Variants in ODAD3 observed in about 807,000 individuals in gnomAD.
ODAD3 encodes outer dynein arm docking complex subunit 3.
Under a neutral mutation model 70.9 loss-of-function variants are expected in ODAD3, and 57 were observed. The observed-to-expected ratio is 0.80, with a 90% CI of 0.65 to 1.00. The LOEUF (loss-of-function observed/expected upper bound fraction) is 1.00. ODAD3 is among the 50% of genes least tolerant of loss of function. The pLI, the probability that ODAD3 is intolerant of heterozygous loss-of-function variation, is 0.00. For synonymous variants in ODAD3, 327 were observed against 315.9 expected (o/e 1.04, Z -0.37); for missense variants, 797 against 763.9 (o/e 1.04, Z -0.51).
chr19:11,433,854 G>C (rs1969561182), intron 1 of ODAD3, among the ~76,000 whole-genome samples: 1 of 152,084 alleles, frequency 6.6e-6, no homozygotes, highest in African/African-American at 2.4e-5. Context: ...TTGAGCCTAG[G>C]AGGTCAAGTC....
intron 1 of ODAD3, among the ~76,000 whole-genome samples, chr19:11,433,308 G>A (rs917381432): frequency 6.6e-5 from 10 of 151,986 alleles, no homozygotes; most frequent in Admixed American, 2.6e-4. Flanking sequence ...CACCATGCCC[G>A]GCTAATTTTT....
upstream of ODAD3, chr19:11,435,490 T>C (rs924243691): frequency 1.1e-4 from 43 of 397,390 alleles, no homozygotes; most frequent in Non-Finnish European, 1.9e-4. Context: ...CTATCCTCTC[T>C]AAGGTTTCAC....
chr19:11,421,960 A>G, intron 10 of ODAD3, 128 bp from the exon 11 acceptor site: 2 of 1,022,240 alleles, frequency 2.0e-6, no homozygotes, highest in Non-Finnish European at 2.8e-6. Context: ...GGTCGATCCT[A>G]GCCATTGGGG....
rs1046789758 is a variant in ODAD3 at position 11,421,277 on chromosome 19, TC to T, written c.1591-66del. ...GCCAGGGGCCACCGAGAAGTCACGTTCCCCCTCCTCCCTACCCCATTCCGAG... is the reference window on the plus strand; with the variant it reads ...GCCAGGGGCCACCGAGAAGTCACGTTCCCCTCCTCCCTACCCCATTCCGAG... On this transcript the variant is annotated intron_variant, in intron 11 of 12. Coordinates refer to ENST00000356392, the MANE Select transcript of ODAD3 (RefSeq NM_145045.5). 24 of 1,397,498 alleles carry T rather than the reference TC, an allele frequency of 1.7e-5. No individual in the cohort carries two copies. The African/African-American group carries it at 3.0e-4, about 18-fold the overall frequency. 86.6% of individuals were successfully genotyped at this position (1,397,498 alleles called of 1,614,324 possible).
chr19:11,425,177 A>G (rs1462013617), intron 7 of ODAD3, among the ~76,000 whole-genome samples: 2 of 141,218 alleles, frequency 1.4e-5, no homozygotes, highest in East Asian at 2.2e-4. Flanking sequence ...GTATATGTAC[A>G]TATGTGTATA....
At chr19:11,423,212 G>C (rs1219174823) in intron 8 of ODAD3, among the ~76,000 whole-genome samples, 1 of 152,178 alleles carries the variant, frequency 6.6e-6, no homozygotes, top group Non-Finnish European at 1.5e-5. Flanking sequence ...GCCCGTCTTC[G>C]GAGCCATCCG....
At position 11,422,557 on chromosome 19, in the gene ODAD3, C is replaced by T; in HGVS notation, c.1348G>A (p.Asp450Asn). Residue 450 changes from aspartate to asparagine, a missense_variant, in exon 10 of 13, where the codon GAC becomes AAC. Coordinates refer to ENST00000356392, the MANE Select transcript of ODAD3 (RefSeq NM_145045.5). This position sits in a 1 kb window ranked among gnomAD's most constrained non-coding sequence, Gnocchi z 4.6. The part of the protein sequence containing the change: ...KEERRHAEAK[D>N]QLERALRAMQ... ...GCCCGCAAGGCGCGCTCCAGCTGGT[C>T]CTTGGCCTCGGCGTGCCGCCGCTCC... 1 of 1,592,022 alleles carries T rather than the reference C, an allele frequency of 6.3e-7. No homozygotes were observed. Among genetic ancestry groups the T allele is most frequent in the African/African-American group, 1.3e-5 (1 of 74,830 alleles).
intron 1 of ODAD3, among the ~76,000 whole-genome samples, chr19:11,432,466 G>A (rs1201973700): frequency 1.3e-5 from 2 of 151,652 alleles, no homozygotes; most frequent in Non-Finnish European, 1.5e-5. Context: ...GGCTGGTCTC[G>A]AACTCCTGGC....
Position 11,421,139 on chromosome 19 carries a change from T to C in ODAD3, c.1664A>G (p.Asp555Gly), listed in dbSNP as rs1381016785. 5.6e-6 allele frequency: 9 copies of C among 1,613,352 alleles called. No individual in the cohort carries two copies. The East Asian group carries it at 1.6e-4, about 28-fold the overall frequency. Residue 555 changes from aspartate to glycine, a missense_variant, in exon 12 of 13, where the codon GAC becomes GGC. Physicochemically the swap from Asp to Gly is moderately conservative, Grantham distance 94. Coordinates refer to ENST00000356392, the MANE Select transcript of ODAD3 (RefSeq NM_145045.5). ...CCACCCATACTGACCAAAAAACTTG[T>C]CCTTGGAAGTGGCAAGGGGCAGGGC... is the stretch of plus-strand genomic sequence containing the variant. ...RIALPLATSK[D>G]KFFDEESEEE...
Position 11,426,763 on chromosome 19 carries a change from G to T in ODAD3, c.634C>A (p.Arg212Ser). 1 of 1,613,896 alleles carries T rather than the reference G, an allele frequency of 6.2e-7. No individual in the cohort carries two copies. Among genetic ancestry groups the T allele is most frequent in the Non-Finnish European group, 8.5e-7 (1 of 1,179,906 alleles). Reference sequence around the variant, plus strand: ...GCCTTCATCTGGGCCTTCTCCAGGCGGTTCTCCAGGTTCCGCATGGTCTGG... The same window carrying T: ...GCCTTCATCTGGGCCTTCTCCAGGCTGTTCTCCAGGTTCCGCATGGTCTGG... ...VAKTMRNLEN[R>S]LEKAQMKAQE... Residue 212 changes from arginine to serine, a missense_variant, in exon 5 of 13, where the codon CGC becomes AGC. Physicochemically the swap from Arg to Ser is moderately radical, Grantham distance 110. Coordinates refer to ENST00000356392, the MANE Select transcript of ODAD3 (RefSeq NM_145045.5).
At position 11,426,472 on chromosome 19, in the gene ODAD3, C is replaced by T. The variant is rs1322737705; in HGVS notation, c.814G>A (p.Ala272Thr). ...TTGGCAATGTCCCGGGCATTGAGGG[C>T]CTCTTGGTTCACCACGTGCAGTGCC... ...LEALHVVNQE[A>T]LNARDIAKNQ... is the part of the protein sequence containing the mutation. The change falls in exon 6 of 13, where the codon GCC becomes ACC. Residue 272 changes from alanine to threonine, a missense_variant. Physicochemically the swap from Ala to Thr is moderately conservative, Grantham distance 58. Coordinates refer to ENST00000356392, the MANE Select transcript of ODAD3 (RefSeq NM_145045.5). The T allele has an allele frequency of 6.2e-7, 1 of 1,613,918 alleles. No individual in the cohort carries two copies. Among genetic ancestry groups the T allele is most frequent in the Non-Finnish European group, 8.5e-7 (1 of 1,179,972 alleles).
At chr19:11,435,258 T>C (rs556738369), upstream of ODAD3, 319 of 1,315,064 alleles carry the variant, frequency 2.4e-4, no homozygotes, top group Non-Finnish European at 3.0e-4. Context: ...TGAGGCTGCA[T>C]AGAGGGGCGG....
chr19:11,421,381 C>T (rs1360120447), intron 11 of ODAD3, among the ~76,000 whole-genome samples, 169 bp from the exon 12 acceptor site: 27 of 152,076 alleles, frequency 1.8e-4, no homozygotes, highest in Admixed American at 1.8e-3. Flanking sequence ...CCAGCTTCAC[C>T]CCCTCATCAC....
Position 11,426,859 on chromosome 19 carries a change from T to G in ODAD3, c.612+14A>C. 1 of 1,609,984 alleles carries G rather than the reference T, an allele frequency of 6.2e-7. No individual in the cohort carries two copies. The highest frequency in any genetic ancestry group is 8.5e-7 in the Non-Finnish European group (1 of 1,177,606). ...CACACGACCCTCTGCCCTGCAGGCC[T>G]CACCCGCCCCTACCTTGGCCACCTC... On this transcript the variant is annotated intron_variant, in intron 4 of 12. Coordinates refer to ENST00000356392, the MANE Select transcript of ODAD3 (RefSeq NM_145045.5).
At position 11,426,356 on chromosome 19, in the gene ODAD3, A is replaced by AG. The variant is rs1344944374; in HGVS notation, c.840+89dup. On this transcript the variant is annotated intron_variant, in intron 6 of 12. Transcript: ENST00000356392. ...GGGAGATAGATGGGGGCGGGGGCGTAGGGGAAGCTCAGGGACAGCTGAGGT... is the reference window on the plus strand; with the variant it reads ...GGGAGATAGATGGGGGCGGGGGCGTAGGGGGAAGCTCAGGGACAGCTGAGGT... 5.6e-6 allele frequency: 9 copies of AG among 1,606,866 alleles called. No homozygotes were observed. In the East Asian group the frequency reaches 1.1e-4, roughly 20 times the overall value.
At chr19:11,425,489 ATGTATATATGTATATATGTG>A (rs1969331148) in intron 7 of ODAD3, among the ~76,000 whole-genome samples, 1 of 139,766 alleles carries the variant, frequency 7.2e-6, no homozygotes, top group Non-Finnish European at 1.6e-5. Flanking sequence ...GTGTGTATAT[ATGTATATATGTATATATGTG>A]TGTATATATG....
At chr19:11,432,870 C>T (rs185167937) in intron 1 of ODAD3, among the ~76,000 whole-genome samples, 9 of 151,864 alleles carry the variant, frequency 5.9e-5, no homozygotes, top group African/African-American at 1.9e-4. Context: ...CCTGGCTCAC[C>T]GCAACCTCCA....
intron 1 of ODAD3, among the ~76,000 whole-genome samples, chr19:11,432,767 C>G (rs1318339070): frequency 1.3e-5 from 2 of 152,004 alleles, no homozygotes; most frequent in African/African-American, 2.4e-5. Context: ...GATTAAACTG[C>G]TTAAGGTCAC....
chr19:11,434,120 C>T (rs1179240927), intron 1 of ODAD3, among the ~76,000 whole-genome samples: 2 of 150,376 alleles, frequency 1.3e-5, no homozygotes, highest in South Asian at 2.1e-4. Flanking sequence ...GGCTGAGGCT[C>T]GAGAATCGCT....
Sources: gnomAD v4.1 joint callset for allele counts (sites outside exome capture counted in the v4.1 genomes callset) on GRCh38, gnomAD v4.1.1 for gene constraint, Gnocchi (gnomAD v3.1) non-coding constraint, MANE v1.5 for transcripts, NCBI Gene and HGNC (gene_info 2026-07-23, HGNC 2026-07-21) for gene names.